The following TET1 variants were observed in gnomAD, a reference collection of about 807,000 sequenced individuals.
TET1 encodes tet methylcytosine dioxygenase 1.
Under a neutral mutation model 148.7 loss-of-function variants are expected in TET1, and 13 were observed. That is an observed-to-expected ratio of 0.09 (90% CI 0.06 to 0.14). The LOEUF is 0.14. Among genes scored for constraint, TET1 ranks in the 10% least tolerant of loss-of-function variants. TET1 has a pLI of 1.00. For synonymous variants in TET1, 907 were observed against 937.2 expected (o/e 0.97, Z 0.59); for missense variants, 2,182 against 2,553.8 (o/e 0.85, Z 3.14).
chr10:68,622,348 T>C (rs1564973478), intron 3 of TET1, among the ~76,000 whole-genome samples: 1 of 151,486 alleles, frequency 6.6e-6, no homozygotes, highest in Non-Finnish European at 1.5e-5. Context: ...CACTGCAGTC[T>C]CTACCTCCCA....
chr10:68,683,059 A>G, intron 10 of TET1, 86 bp downstream of exon 10: 1 of 1,445,294 alleles, frequency 6.9e-7, no homozygotes, highest in African/African-American at 1.4e-5. Context: ...GATGACTATT[A>G]CTGTGAAAAA....
At chr10:68,642,458 TA>T (rs963421972) in intron 3 of TET1, among the ~76,000 whole-genome samples, 4 of 151,648 alleles carry the variant, frequency 2.6e-5, no homozygotes, top group Non-Finnish European at 4.4e-5. Flanking sequence ...ATAAAGTAGA[TA>T]AATAAGGATT....
intron 1 of TET1, among the ~76,000 whole-genome samples, chr10:68,564,984 C>T (rs1162939859): frequency 6.6e-6 from 1 of 152,078 alleles, no homozygotes; most frequent in Non-Finnish European, 1.5e-5. Context: ...GATCACAGCA[C>T]TGCACTCCAG....
At chr10:68,606,618 C>T (rs549496787) in intron 3 of TET1, among the ~76,000 whole-genome samples, 2 of 146,830 alleles carry the variant, frequency 1.4e-5, no homozygotes. Flanking sequence ...AAAAAAAAAA[C>T]ACATGTCATT....
intron 2 of TET1, among the ~76,000 whole-genome samples, chr10:68,587,376 G>A (rs1352846431): frequency 1.3e-5 from 2 of 152,150 alleles, no homozygotes; most frequent in African/African-American, 2.4e-5. Flanking sequence ...AGAAAAAAGC[G>A]GGTGTCTGTT....
chr10:68,612,190 A>G (rs931208800), intron 3 of TET1, among the ~76,000 whole-genome samples: 1 of 151,618 alleles, frequency 6.6e-6, no homozygotes, highest in Middle Eastern at 3.2e-3. Context: ...CCTGGGTTCA[A>G]GTGATTCTCC....
intron 3 of TET1, among the ~76,000 whole-genome samples, chr10:68,641,690 A>G (rs1005316650): frequency 3.6e-4 from 55 of 151,770 alleles, no homozygotes; most frequent in Admixed American, 2.4e-3. Context: ...TTTGGTAGAG[A>G]CAGGGTTTCA....
At chr10:68,678,012 C>T (rs1017929147) in intron 8 of TET1, among the ~76,000 whole-genome samples, 2 of 152,162 alleles carry the variant, frequency 1.3e-5, no homozygotes, top group African/African-American at 4.8e-5. Context: ...CCACCCACCT[C>T]GGCCTTCCAA....
At chr10:68,584,613 G>A (rs2132822636) in intron 2 of TET1, among the ~76,000 whole-genome samples, 1 of 150,426 alleles carries the variant, frequency 6.6e-6, no homozygotes, top group East Asian at 2.1e-4. Flanking sequence ...GGAGGCTGAG[G>A]CAGGAGAATT....
intron 3 of TET1, among the ~76,000 whole-genome samples, chr10:68,612,092 T>C (rs2054224191): frequency 6.7e-6 from 1 of 149,518 alleles, no homozygotes. Context: ...GTTGTTGTTT[T>C]CTTTTTTTTT....
At position 68,652,539 on chromosome 10, in the gene TET1, T is replaced by C; in HGVS notation, c.4406T>C (p.Val1469Ala). Residue 1469 changes from valine to alanine, a missense_variant, in exon 6 of 12, where the codon GTA becomes GCA. This residue lies in a region of TET1 where 169 missense variants were observed against 263.7 expected (regional missense o/e 0.64). Transcript: ENST00000373644. Reference sequence around the variant, plus strand: ...GGAAACGCAATAAGGATAGAAATAGTAGTGTACACCGGTAAAGAAGGGAAA... The same window carrying C: ...GGAAACGCAATAAGGATAGAAATAGCAGTGTACACCGGTAAAGAAGGGAAA... The part of the protein sequence containing the change: ...QKGNAIRIEI[V>A]VYTGKEGKSS... 2 of 1,613,144 alleles carry C rather than the reference T, an allele frequency of 1.2e-6. No homozygotes were observed. The highest frequency in any genetic ancestry group is 1.7e-6 in the Non-Finnish European group (2 of 1,179,494).
chr10:68,649,896 C>A (rs1385937933), intron 4 of TET1, among the ~76,000 whole-genome samples: 1 of 152,120 alleles, frequency 6.6e-6, no homozygotes, highest in South Asian at 2.1e-4. Flanking sequence ...ATTAGTAAAT[C>A]ATTACATGTA....
chr10:68,673,995 C>T lies in TET1; in HGVS notation c.4824+950C>T, dbSNP rs1589128560. ...TTTTTTTTTGAGACAGAGTTTCGCTCTTGTTGCCCAGGCTGGAGTACAAAG... is the reference window on the plus strand; with the variant it reads ...TTTTTTTTTGAGACAGAGTTTCGCTTTTGTTGCCCAGGCTGGAGTACAAAG... On this transcript the variant is annotated intron_variant, in intron 8 of 11. Transcript: ENST00000373644. Among the ~76,000 whole-genome samples the T allele has an allele frequency of 1.2e-4, 11 of 92,912 alleles. No individual in the cohort carries two copies. The South Asian group carries it at 3.7e-3, about 31-fold the overall frequency. The allele number at this position is 92,912 out of a possible 152,430, so 61.0% of individuals were successfully genotyped here.
chr10:68,564,194 G>C (rs2053583383), intron 1 of TET1, among the ~76,000 whole-genome samples: 1 of 151,456 alleles, frequency 6.6e-6, no homozygotes, highest in East Asian at 1.9e-4. Flanking sequence ...TGTTGCCCAG[G>C]CTGGAGTGTA....
intron 1 of TET1, among the ~76,000 whole-genome samples, chr10:68,561,011 G>C (rs977756815): frequency 1.3e-5 from 2 of 152,198 alleles, no homozygotes; most frequent in Non-Finnish European, 2.9e-5. Context: ...CCACAGCGCC[G>C]GGTTGGGGGC....
intron 9 of TET1, among the ~76,000 whole-genome samples, chr10:68,682,324 C>G (rs1175908399): frequency 6.6e-6 from 1 of 151,970 alleles, no homozygotes; most frequent in Non-Finnish European, 1.5e-5. Flanking sequence ...GTTTCCCAGG[C>G]TGCTCTCGAA....
intron 4 of TET1, among the ~76,000 whole-genome samples, chr10:68,648,710 T>C (rs1459285721): frequency 6.6e-6 from 1 of 152,232 alleles, no homozygotes; most frequent in East Asian, 1.9e-4. Context: ...CTTTCCAAAG[T>C]ACACTTGTTG....
chr10:68,622,206 CT>C (rs2054384051), intron 3 of TET1, among the ~76,000 whole-genome samples: 3 of 135,116 alleles, frequency 2.2e-5, no homozygotes, highest in South Asian at 2.4e-4. Flanking sequence ...TCCTTCCTTC[CT>C]TCCTTCCTTC....
At chr10:68,622,422 A>G (rs10998338) in intron 3 of TET1, among the ~76,000 whole-genome samples, 70,309 of 151,510 alleles carry the variant, frequency 0.46, 17,476 homozygotes, top group Non-Finnish European at 0.55. Flanking sequence ...CTGACACCAG[A>G]CCCAGCTAAT....
Sources: allele counts gnomAD v4.1 joint callset (sites outside exome capture counted in the v4.1 genomes callset), GRCh38; gene constraint gnomAD v4.1.1; regional missense constraint gnomAD v4.1.1; transcripts MANE v1.5; gene names NCBI Gene and HGNC (gene_info 2026-07-23, HGNC 2026-07-21).